EGFR: variants seen among roughly 807,000 people sequenced by gnomAD.
The protein encoded by EGFR is avian erythroblastic leukemia viral (v-erb-b) oncogene homolog.
EGFR carries 58 observed loss-of-function variants against 143.0 expected under a neutral mutation model. That is an observed-to-expected ratio of 0.41 (90% confidence interval 0.33 to 0.50). The LOEUF is 0.50. Among genes scored for constraint, EGFR ranks in the 20% least tolerant of loss-of-function variants. The probability of loss-of-function intolerance (pLI) is 0.39; values close to 1 mark genes in which losing one functional copy is unlikely to be tolerated. For missense variants in EGFR, 1,307 were observed against 1,579.0 expected (o/e 0.83, Z 2.92); for synonymous variants, 613 against 594.4 (o/e 1.03, Z -0.45).
At chr7:55,180,827 A>C (rs1172832004) in intron 19 of EGFR, 1 of 214,932 alleles carries the variant, frequency 4.7e-6, no homozygotes, top group East Asian at 1.2e-4. Context: ...CCTCTGCAGC[A>C]CCCACAGCCA....
intron 1 of EGFR, among the ~76,000 whole-genome samples, chr7:55,071,509 G>A (rs1027853503): frequency 2.0e-5 from 3 of 152,230 alleles, no homozygotes; most frequent in Non-Finnish European, 2.9e-5. Context: ...ACAGGGACCA[G>A]ACCAGCACCC....
intron 1 of EGFR, among the ~76,000 whole-genome samples, chr7:55,027,093 C>T (rs943404783): frequency 6.6e-6 from 1 of 152,106 alleles, no homozygotes; most frequent in African/African-American, 2.4e-5. Flanking sequence ...CCAGGCACAT[C>T]GCATGCTGGG....
rs112550252 is a variant in EGFR, at chr7:55,172,776, G to C, written c.1920-207G>C. The C allele has an allele frequency of 2.3e-4, 330 of 1,429,064 alleles. No homozygotes were observed. The African/African-American group carries it at 4.3e-3, about 18-fold the overall frequency. 88.5% of individuals were successfully genotyped at this position (1,429,064 alleles called of 1,614,324 possible). On this transcript the variant is annotated intron_variant, in intron 16 of 27. Transcript: ENST00000275493. ...TTAAAAAATGAGGAAAAGTGTGCCT[G>C]GTAGGGGACTGGGGAGAGCTTGAGA...
At chr7:55,162,101 C>T (rs1035641911) in intron 13 of EGFR, among the ~76,000 whole-genome samples, 1 of 152,210 alleles carries the variant, frequency 6.6e-6, no homozygotes, top group Non-Finnish European at 1.5e-5. Flanking sequence ...GTACCAGGGA[C>T]TTTAAATATA....
chr7:55,063,310 C>G (rs917216088), intron 1 of EGFR, among the ~76,000 whole-genome samples: 1 of 152,074 alleles, frequency 6.6e-6, no homozygotes, highest in Non-Finnish European at 1.5e-5. Flanking sequence ...GAATCCTCTT[C>G]CCTGGTGAAG....
intron 1 of EGFR, among the ~76,000 whole-genome samples, chr7:55,106,573 T>C (rs1009865558): frequency 6.6e-6 from 1 of 152,220 alleles, no homozygotes; most frequent in Admixed American, 6.5e-5. Context: ...AAATCAGGCC[T>C]GCACTGCCTG....
chr7:55,102,784 TA>T, intron 1 of EGFR, among the ~76,000 whole-genome samples: 1 of 152,212 alleles, frequency 6.6e-6, no homozygotes, highest in Non-Finnish European at 1.5e-5. Context: ...AAAATTTTTT[TA>T]AAACTCCTGA....
chr7:55,072,302 C>G (rs774858653), intron 1 of EGFR, among the ~76,000 whole-genome samples: 36 of 152,220 alleles, frequency 2.4e-4, no homozygotes, highest in Non-Finnish European at 4.9e-4. Context: ...GATTTTAGAG[C>G]TCTATTTGTG....
Position 55,185,785 on chromosome 7 carries a change from ACT to A in EGFR, c.2469+4312_2469+4313del, listed in dbSNP as rs1210770880. On this transcript the variant is annotated intron_variant, in intron 20 of 27. Coordinates refer to ENST00000275493, the MANE Select transcript of EGFR (RefSeq NM_005228.5). ...AGAATGAAACTGGCTTACACATGGC[ACT>A]CTCTGACCACAACTGTATAAGCACC... Among the ~76,000 whole-genome samples the A allele has an allele frequency of 3.9e-5, 6 of 152,152 alleles. No homozygotes were observed. In the East Asian group the frequency reaches 1.2e-3, roughly 29 times the overall value.
In EGFR at chr7:55,200,595, T is replaced by C. The variant is rs529371109; in HGVS notation, c.2946+182T>C. ...CACATCGTGAACTAAGCAGCATCCG[T>C]GAGTGGGGCCCACCCAACTCCATCT... On this transcript the variant is annotated intron_variant, in intron 24 of 27. Transcript: ENST00000275493. 4.5e-6 allele frequency: 3 copies of C among 674,120 alleles called. No homozygotes were observed. The African/African-American group carries it at 5.3e-5, about 12-fold the overall frequency. The allele number at this position is 674,120 out of a possible 1,614,324, so 41.8% of individuals were successfully genotyped here.
At chr7:55,093,404 C>CA (rs1791246621) in intron 1 of EGFR, among the ~76,000 whole-genome samples, 1 of 152,136 alleles carries the variant, frequency 6.6e-6, no homozygotes, top group South Asian at 2.1e-4. Flanking sequence ...CTAATGTGGC[C>CA]AATTTATAGC....
intron 1 of EGFR, among the ~76,000 whole-genome samples, chr7:55,022,427 G>C (rs1372729427): frequency 3.9e-5 from 6 of 152,186 alleles, no homozygotes; most frequent in Non-Finnish European, 8.8e-5. Context: ...CCTCCTCAAA[G>C]GAGGTCAGAT....
intron 18 of EGFR, 90 bp from the exon 19 acceptor site, chr7:55,174,632 A>C (rs2128954378): frequency 8.8e-7 from 1 of 1,129,994 alleles, no homozygotes; most frequent in Non-Finnish European, 1.3e-6. Context: ...TTCGGGGTGC[A>C]TCGCTGGTAA....
At position 55,140,551 on chromosome 7, in the gene EGFR, A is replaced by G. The variant is rs555409143; in HGVS notation, c.89-1735A>G. ...CAGTGCTGACATCTTTAAGAACCTT[A>G]GAATTGGGAAATCAGTTTAGCCCTA... On this transcript the variant is annotated intron_variant, in intron 1 of 27. Transcript: ENST00000275493. Among the ~76,000 whole-genome samples the G allele has an allele frequency of 3.9e-5, 6 of 152,348 alleles. No individual in the cohort carries two copies. In the East Asian group the frequency reaches 1.2e-3, roughly 29 times the overall value.
At chr7:55,092,403 G>T (rs1791181076) in intron 1 of EGFR, among the ~76,000 whole-genome samples, 1 of 152,118 alleles carries the variant, frequency 6.6e-6, no homozygotes, top group African/African-American at 2.4e-5. Flanking sequence ...GCCTCACTTG[G>T]AGGCCTGCAC....
At chr7:55,145,545 C>A (rs1193131445) in intron 3 of EGFR, among the ~76,000 whole-genome samples, 2 of 152,196 alleles carry the variant, frequency 1.3e-5, no homozygotes, top group African/African-American at 4.8e-5. Context: ...TGTGCCTGTG[C>A]CCTTCTGGGG....
chr7:55,032,260 A>G (rs1409890589), intron 1 of EGFR, among the ~76,000 whole-genome samples: 2 of 152,250 alleles, frequency 1.3e-5, no homozygotes, highest in African/African-American at 4.8e-5. Context: ...GACATCAAAC[A>G]TACCAATTCA....
rs1311555978 is a variant in EGFR at position 55,206,521 on chromosome 7, G to A, written c.*904G>A. On this transcript the variant is annotated 3_prime_UTR_variant, in exon 28 of 28. Transcript: ENST00000275493. The stretch of plus-strand genomic sequence containing the variant: ...ACAGCTGAGAATGTGGAATACCTAA[G>A]GATAGCACCGCTTTTGTTCTCGCAA... The A allele has an allele frequency of 4.3e-6, 1 of 233,108 alleles. No individual in the cohort carries two copies. The highest frequency in any genetic ancestry group is 2.2e-5 in the African/African-American group (1 of 45,316). The allele number at this position is 233,108 out of a possible 1,614,324, so 14.4% of individuals were successfully genotyped here. A position where few individuals can be genotyped will look rare whatever the true frequency, so the allele number is the denominator to read the frequency against.
At chr7:55,031,190 CAGG>C (rs1339739214) in intron 1 of EGFR, among the ~76,000 whole-genome samples, 1 of 152,142 alleles carries the variant, frequency 6.6e-6, no homozygotes. Flanking sequence ...AGAGGATTGC[CAGG>C]AGAACACATC....
Sources: allele counts gnomAD v4.1 joint callset (sites outside exome capture counted in the v4.1 genomes callset), GRCh38; gene constraint gnomAD v4.1.1; transcripts MANE v1.5; gene names NCBI Gene and HGNC (gene_info 2026-07-23, HGNC 2026-07-21).